Variants in MARCHF9 observed in about 807,000 individuals in gnomAD.
MARCHF9 encodes the protein membrane associated ring-CH-type finger 9.
A neutral mutation model predicts 35.2 loss-of-function variants in MARCHF9; 17 were observed. That is an observed-to-expected ratio of 0.48 (90% CI 0.33 to 0.72). The LOEUF is 0.72. Ranked by LOEUF, MARCHF9 falls within the 30% of genes least tolerant of loss-of-function variation. The pLI, the probability that MARCHF9 is intolerant of heterozygous loss-of-function variation, is 0.02. For missense variants in MARCHF9, 386 were observed against 478.2 expected, an observed-to-expected ratio of 0.81 and a Z score of 1.80; for synonymous variants, 183 against 207.4, an observed-to-expected ratio of 0.88 and a Z score of 1.01.
Position 57,755,738 on chromosome 12 carries a change from C to A in MARCHF9, c.210C>A (p.Gly70=). 8.2e-7 allele frequency: 1 copy of A among 1,217,768 alleles called. No individual in the cohort carries two copies. Among genetic ancestry groups the A allele is most frequent in the Non-Finnish European group, 1.0e-6 (1 of 982,010 alleles). The allele number at this position is 1,217,768 out of a possible 1,614,324, so 75.4% of individuals were successfully genotyped here. A position where few individuals can be genotyped will look rare whatever the true frequency, so the allele number is the denominator to read the frequency against. Residue 70 remains glycine (G), a synonymous_variant, in exon 1 of 4, where the codon GGC becomes GGA. Transcript: ENST00000266643. ...GSEPRARGLA[G]DKEPRAGPLP... ...AGCCGCGGGCCCGGGGCCTGGCCGG[C>A]GACAAGGAGCCGCGGGCCGGACCCC...
Position 57,758,420 on chromosome 12 carries a change from C to G in MARCHF9, c.706+120C>G, listed in dbSNP as rs1027101671. ...TGCCACTGTAGCCTTTAGTGCTATC[C>G]TGGTGCCCCCTCAACCCACTTCCCT... On this transcript the variant is annotated intron_variant, in intron 3 of 3. Transcript: ENST00000266643. The surrounding 1 kb of genome is among the most constrained non-coding windows in gnomAD (Gnocchi z 5.4). 21 of 1,341,108 alleles carry G rather than the reference C, an allele frequency of 1.6e-5. No individual in the cohort carries two copies. In the African/African-American group the frequency reaches 2.5e-4, roughly 16 times the overall value. 83.1% of individuals were successfully genotyped at this position (1,341,108 alleles called of 1,614,324 possible).
At chr12:57,757,121 G>C in intron 2 of MARCHF9, 37 bp downstream of exon 2, 1 of 1,506,892 alleles carries the variant, frequency 6.6e-7, no homozygotes, top group Non-Finnish European at 8.9e-7. Context: ...ATTGGGCGAG[G>C]ACCTTTTAGC....
At position 57,758,230 on chromosome 12, in the gene MARCHF9, G is replaced by A. The variant is rs1955299006; in HGVS notation, c.636G>A (p.Lys212=). ...LIWSSLSPSA[K]WQRQDLLFQI... is the part of the protein sequence containing the mutation. ...GGTCCTCACTCAGCCCTTCAGCCAA[G>A]TGGCAACGACAGGATCTGCTCTTTC... The change falls in exon 3 of 4, where the codon AAG becomes AAA. Residue 212 remains lysine (K), a synonymous_variant. Coordinates refer to ENST00000266643, the MANE Select transcript of MARCHF9 (RefSeq NM_138396.6). The surrounding 1 kb of genome is among the most constrained non-coding windows in gnomAD (Gnocchi z 5.4). The A allele has an allele frequency of 1.9e-6, 3 of 1,614,242 alleles. No individual in the cohort carries two copies. The highest frequency in any genetic ancestry group is 2.5e-6 in the Non-Finnish European group (3 of 1,180,046).
chr12:57,757,684 T>C lies in MARCHF9; in HGVS notation c.514-424T>C, dbSNP rs1272983497. 1.1e-5 allele frequency: 5 copies of C among 442,860 alleles called. No individual in the cohort carries two copies. The South Asian group carries it at 1.7e-4, about 15-fold the overall frequency. 27.4% of individuals were successfully genotyped at this position (442,860 alleles called of 1,614,324 possible). ...AAAAAAAGAAAAGAAAAAATGATGTTGATGATGATAGCAAATATGTAGTGT... is the reference window on the plus strand; with the variant it reads ...AAAAAAAGAAAAGAAAAAATGATGTCGATGATGATAGCAAATATGTAGTGT... On this transcript the variant is annotated intron_variant, in intron 2 of 3. Transcript: ENST00000266643.
Position 57,759,258 on chromosome 12 carries a change from AAG to A in MARCHF9, c.*362_*363del, listed in dbSNP as rs1434438336. ...GTGAAGGGGGACCAATGCCAGAAGA[AAG>A]GGGCTGTAGACCCCTATTCCCCACC... On this transcript the variant is annotated 3_prime_UTR_variant, in exon 4 of 4. Transcript: ENST00000266643. 2.5e-5 allele frequency: 6 copies of A among 240,422 alleles called. No individual in the cohort carries two copies. Among genetic ancestry groups the A allele is most frequent in the Non-Finnish European group, 4.9e-5 (6 of 122,228 alleles). The allele number at this position is 240,422 out of a possible 1,614,324, so 14.9% of individuals were successfully genotyped here.
chr12:57,758,659 A>G lies in MARCHF9; in HGVS notation c.803A>G (p.Lys268Arg), dbSNP rs2140393643. Residue 268 changes from lysine to arginine, a missense_variant, in exon 4 of 4, where the codon AAG (lysine) becomes AGG (arginine). By Grantham distance (26) the Lys-to-Arg change is conservative. Transcript: ENST00000266643. This position sits in a 1 kb window ranked among gnomAD's most constrained non-coding sequence, Gnocchi z 5.4. Reference protein sequence around the residue: ...QWKVLNYDKTKDIGGDAGGGT... With the variant: ...QWKVLNYDKTRDIGGDAGGGT... ...AAGGTCCTAAATTATGACAAGACCAAGGACATAGGAGGAGATGCAGGGGGA... is the reference window on the plus strand; with the variant it reads ...AAGGTCCTAAATTATGACAAGACCAGGGACATAGGAGGAGATGCAGGGGGA... 1 of 1,613,982 alleles carries G rather than the reference A, an allele frequency of 6.2e-7. No individual in the cohort carries two copies. The highest frequency in any genetic ancestry group is 1.7e-5 in the Admixed American group (1 of 60,004).
chr12:57,759,285 C>A lies in MARCHF9; in HGVS notation c.*388C>A, dbSNP rs1049161972. 3 of 201,928 alleles carry A rather than the reference C, an allele frequency of 1.5e-5. No individual in the cohort carries two copies. Among genetic ancestry groups the A allele is most frequent in the Admixed American group, 5.3e-5 (1 of 18,992 alleles). 12.5% of individuals were successfully genotyped at this position (201,928 alleles called of 1,614,324 possible). A position where few individuals can be genotyped will look rare whatever the true frequency, so the allele number is the denominator to read the frequency against. On this transcript the variant is annotated 3_prime_UTR_variant, in exon 4 of 4. Coordinates refer to ENST00000266643, the MANE Select transcript of MARCHF9 (RefSeq NM_138396.6). ...GGGGCTGTAGACCCCTATTCCCCAC[C>A]CCATGGCCACAGGGCATCTGGCAAT...
intron 1 of MARCHF9, 136 bp from the exon 2 acceptor site, chr12:57,756,793 C>A: frequency 2.3e-6 from 2 of 877,454 alleles, no homozygotes; most frequent in Non-Finnish European, 3.2e-6. Context: ...TAGCCTCTTG[C>A]CCTGTCTTGG....
At chr12:57,757,678 T>G in intron 2 of MARCHF9, 4 of 404,358 alleles carry the variant, frequency 9.9e-6, no homozygotes, top group Non-Finnish European at 1.7e-5. Flanking sequence ...AAAGAAAAAA[T>G]GATGTTGATG....
Position 57,755,575 on chromosome 12 carries a change from T to C in MARCHF9, c.47T>C (p.Leu16Pro). The change falls in exon 1 of 4, where the codon CTG becomes CCG. Residue 16 changes from leucine (L) to proline (P), a missense_variant. Physicochemically the swap from Leu to Pro is moderately conservative, Grantham distance 98. Coordinates refer to ENST00000266643, the MANE Select transcript of MARCHF9 (RefSeq NM_138396.6). Reference sequence around the variant, plus strand: ...ATGTTTCTGAACGAGCTGAAGCTGCTGGTGCTGACAGGCGGGGGGCGGCCC... The same window carrying C: ...ATGTTTCTGAACGAGCTGAAGCTGCCGGTGCTGACAGGCGGGGGGCGGCCC... ...LRMFLNELKL[L>P]VLTGGGRPRA... is the part of the protein sequence containing the mutation. The C allele has an allele frequency of 7.3e-7, 1 of 1,373,088 alleles. No homozygotes were observed. Among genetic ancestry groups the C allele is most frequent in the Admixed American group, 2.9e-5 (1 of 34,950 alleles). The allele number at this position is 1,373,088 out of a possible 1,614,324, so 85.1% of individuals were successfully genotyped here.
rs1297560644 is a variant in MARCHF9, at chr12:57,758,596, G to A, written c.740G>A (p.Arg247His). The A allele has an allele frequency of 5.6e-6, 9 of 1,613,080 alleles. No individual in the cohort carries two copies. The highest frequency in any genetic ancestry group is 3.3e-4 in the Middle Eastern group (2 of 6,050). The change falls in exon 4 of 4, where the codon CGC becomes CAC. Residue 247 changes from arginine to histidine, a missense_variant. By Grantham distance (29) the Arg-to-His change is conservative. This residue lies in a region of MARCHF9 where 219 missense variants were observed against 316.2 expected (regional missense o/e 0.69). Transcript: ENST00000266643. This position sits in a 1 kb window ranked among gnomAD's most constrained non-coding sequence, Gnocchi z 5.4. ...ATCCATGAAGGCTCCTCTGTCTACC[G>A]CATCTTCAAGCGCTGGCAGGCAGTG... ...LIIHEGSSVY[R>H]IFKRWQAVNQ...
rs555000248 is a variant in MARCHF9 at position 57,759,590 on chromosome 12, T to G, written c.*693T>G. ...TGCTAGGTGGCAGCACTCCGAGGTA[T>G]CTAAAGGGTAGACCTGGACCTGCCA... On this transcript the variant is annotated 3_prime_UTR_variant, in exon 4 of 4. Coordinates refer to ENST00000266643, the MANE Select transcript of MARCHF9 (RefSeq NM_138396.6). 3 of 152,316 alleles carry G rather than the reference T, an allele frequency of 2.0e-5. No homozygotes were observed. Among genetic ancestry groups the G allele is most frequent in the South Asian group, 4.1e-4 (2 of 4,826 alleles). 9.4% of individuals were successfully genotyped at this position (152,316 alleles called of 1,614,324 possible).
chr12:57,755,898 C>T lies in MARCHF9; in HGVS notation c.357+13C>T. 6.8e-7 allele frequency: 1 copy of T among 1,469,364 alleles called. No individual in the cohort carries two copies. Among genetic ancestry groups the T allele is most frequent in the Non-Finnish European group, 8.9e-7 (1 of 1,118,594 alleles). 91.0% of individuals were successfully genotyped at this position (1,469,364 alleles called of 1,614,324 possible). A position where few individuals can be genotyped will look rare whatever the true frequency, so the allele number is the denominator to read the frequency against. ...GGGCCCGGAGCAGGTCAGGCCTGGG[C>T]ACCTGGCCGGGCGCGGAGGGTGGAG... On this transcript the variant is annotated intron_variant, in intron 1 of 3. Coordinates refer to ENST00000266643, the MANE Select transcript of MARCHF9 (RefSeq NM_138396.6).
rs1212535257 is a variant in MARCHF9, at chr12:57,755,675, GGACGGC to G, written c.158_163del (p.Gly53_Asp54del). 3.9e-6 allele frequency: 5 copies of G among 1,284,102 alleles called. No individual in the cohort carries two copies. The allele number at this position is 1,284,102 out of a possible 1,614,324, so 79.5% of individuals were successfully genotyped here. A position where few individuals can be genotyped will look rare whatever the true frequency, so the allele number is the denominator to read the frequency against. On this transcript the variant is annotated inframe_deletion, in exon 1 of 4. Coordinates refer to ENST00000266643, the MANE Select transcript of MARCHF9 (RefSeq NM_138396.6). The stretch of plus-strand genomic sequence containing the variant: ...CGCCCTTCGCTGGCTGCTCCACCCG[GGACGGC>G]GACGGCGACGAGGAGGAGTACTACG...
chr12:57,757,865 T>C (rs775652073), intron 2 of MARCHF9: 19 of 617,450 alleles, frequency 3.1e-5, no homozygotes, highest in African/African-American at 2.9e-4. Flanking sequence ...GAGTCAAGAT[T>C]TAGGATTCAA....
chr12:57,758,029 C>A lies in MARCHF9; in HGVS notation c.514-79C>A. On this transcript the variant is annotated intron_variant, in intron 2 of 3. Transcript: ENST00000266643. The surrounding 1 kb of genome is among the most constrained non-coding windows in gnomAD (Gnocchi z 5.4). ...AAGGTTTTAGGGAAGGTTCCTGGAG[C>A]ACCCTGCTCTTCAGGGCCACCCATC... 6.7e-7 allele frequency: 1 copy of A among 1,487,978 alleles called. No homozygotes were observed. The highest frequency in any genetic ancestry group is 9.4e-7 in the Non-Finnish European group (1 of 1,066,808). The allele number at this position is 1,487,978 out of a possible 1,614,324, so 92.2% of individuals were successfully genotyped here. A position where few individuals can be genotyped will look rare whatever the true frequency, so the allele number is the denominator to read the frequency against.
chr12:57,758,423 G>T lies in MARCHF9; in HGVS notation c.706+123G>T. The T allele has an allele frequency of 7.4e-7, 1 of 1,345,414 alleles. No homozygotes were observed. The highest frequency in any genetic ancestry group is 1.5e-5 in the African/African-American group (1 of 67,928). The allele number at this position is 1,345,414 out of a possible 1,614,324, so 83.3% of individuals were successfully genotyped here. The stretch of plus-strand genomic sequence containing the variant: ...CACTGTAGCCTTTAGTGCTATCCTG[G>T]TGCCCCCTCAACCCACTTCCCTGCT... On this transcript the variant is annotated intron_variant, in intron 3 of 3. Transcript: ENST00000266643. The surrounding 1 kb of genome is among the most constrained non-coding windows in gnomAD (Gnocchi z 5.4).
chr12:57,756,922 C>T lies in MARCHF9; in HGVS notation c.358-7C>T. On this transcript the variant is annotated splice_polypyrimidine_tract_variant and splice_region_variant and intron_variant, in intron 1 of 3. Transcript: ENST00000266643. Reference sequence around the variant, plus strand: ...GCTGACAGGGCCCCTCCTCACTCTTCCTCCAGGGGGAGCTCTTAAGCCCCT... The same window carrying T: ...GCTGACAGGGCCCCTCCTCACTCTTTCTCCAGGGGGAGCTCTTAAGCCCCT... The T allele has an allele frequency of 6.6e-7, 1 of 1,520,204 alleles. No individual in the cohort carries two copies. The highest frequency in any genetic ancestry group is 1.3e-5 in the South Asian group (1 of 78,962). The allele number at this position is 1,520,204 out of a possible 1,614,324, so 94.2% of individuals were successfully genotyped here. A position where few individuals can be genotyped will look rare whatever the true frequency, so the allele number is the denominator to read the frequency against.
At chr12:57,757,646 C>G (rs925429719) in intron 2 of MARCHF9, 2 of 308,354 alleles carry the variant, frequency 6.5e-6, no homozygotes, top group South Asian at 3.9e-5. Flanking sequence ...GACTCCGTCT[C>G]GAAGGAAAAA....
Sources: gnomAD v4.1 joint callset for allele counts on GRCh38, gnomAD v4.1.1 for gene constraint, gnomAD v4.1.1 regional missense constraint, Gnocchi (gnomAD v3.1) non-coding constraint, MANE v1.5 for transcripts, NCBI Gene and HGNC (gene_info 2026-07-23, HGNC 2026-07-21) for gene names.